CMKLR2: variants seen among roughly 807,000 people sequenced by gnomAD.
CMKLR2 encodes chemerin chemokine-like receptor 2.
CMKLR2 carries 18 observed loss-of-function variants against 23.0 expected under a neutral mutation model. The observed-to-expected ratio is 0.78, with a 90% CI of 0.54 to 1.16. The LOEUF (loss-of-function observed/expected upper bound fraction) is 1.16. Ranked by LOEUF, CMKLR2 falls within the 50% of genes most tolerant of loss-of-function variation. The pLI is 0.00. For synonymous variants in CMKLR2, 158 were observed against 158.9 expected, an observed-to-expected ratio of 0.99 and a Z score of 0.05; for missense variants, 401 against 412.7, an observed-to-expected ratio of 0.97 and a Z score of 0.25.
At chr2:206,179,318 G>A (rs1372151937) in intron 1 of CMKLR2, among the ~76,000 whole-genome samples, 5 of 144,638 alleles carry the variant, frequency 3.5e-5, no homozygotes, top group Admixed American at 1.4e-4. Context: ...CCGGTGATTC[G>A]CCCACCTTGG....
At chr2:206,201,976 A>G (rs1261540260) in intron 1 of CMKLR2, among the ~76,000 whole-genome samples, 1 of 152,228 alleles carries the variant, frequency 6.6e-6, no homozygotes, top group African/African-American at 2.4e-5. Flanking sequence ...GGCTTCAAAA[A>G]ATTGAGGGGC....
intron 1 of CMKLR2, among the ~76,000 whole-genome samples, chr2:206,187,931 T>C (rs1049176562): frequency 6.6e-6 from 1 of 152,104 alleles, no homozygotes. Context: ...AGAGTCTCTT[T>C]CTGTCATTCA....
chr2:206,206,943 A>G (rs1689346761), intron 1 of CMKLR2, among the ~76,000 whole-genome samples: 1 of 145,922 alleles, frequency 6.9e-6, no homozygotes, highest in East Asian at 2.0e-4. Context: ...TTTAATCAAA[A>G]GCATTAAAAG....
intron 1 of CMKLR2, among the ~76,000 whole-genome samples, chr2:206,191,181 C>T (rs1231891534): frequency 1.3e-5 from 2 of 152,116 alleles, no homozygotes; most frequent in Middle Eastern, 3.2e-3. Flanking sequence ...AAATTACCTG[C>T]TACCAAGAAA....
At chr2:206,196,432 G>T (rs1489312158) in intron 1 of CMKLR2, among the ~76,000 whole-genome samples, 1 of 149,662 alleles carries the variant, frequency 6.7e-6, no homozygotes, top group Admixed American at 6.7e-5. Context: ...CCAGGAGAGA[G>T]CGATGCTGAA....
intron 1 of CMKLR2, among the ~76,000 whole-genome samples, chr2:206,191,756 C>T (rs1688755366): frequency 6.6e-6 from 1 of 150,776 alleles, no homozygotes; most frequent in African/African-American, 2.4e-5. Flanking sequence ...CAGCCTTGAC[C>T]TCCCAGGGCT....
At chr2:206,205,061 C>T (rs1372382606) in intron 1 of CMKLR2, among the ~76,000 whole-genome samples, 2 of 152,130 alleles carry the variant, frequency 1.3e-5, no homozygotes, top group East Asian at 3.9e-4. Context: ...GGAAGAGATA[C>T]ATTTTGTTTA....
upstream of CMKLR2, among the ~76,000 whole-genome samples, chr2:206,215,025 G>T (rs1689709583): frequency 6.6e-6 from 1 of 152,114 alleles, no homozygotes; most frequent in South Asian, 2.1e-4. Context: ...AGAAGCACAG[G>T]ATTTTGTTTT....
intron 1 of CMKLR2, among the ~76,000 whole-genome samples, chr2:206,179,915 A>G (rs994522954): frequency 7.2e-5 from 11 of 152,140 alleles, no homozygotes; most frequent in African/African-American, 2.7e-4. Flanking sequence ...CAGGCATCTC[A>G]AATTCAATTT....
chr2:206,203,417 C>T (rs1378631116), intron 1 of CMKLR2: 1 of 151,592 alleles, frequency 6.6e-6, no homozygotes, highest in East Asian at 1.9e-4. Flanking sequence ...TTCCCAGCTT[C>T]CAACTTCCAC....
At chr2:206,197,593 G>T (rs886316105) in intron 1 of CMKLR2, among the ~76,000 whole-genome samples, 1 of 152,272 alleles carries the variant, frequency 6.6e-6, no homozygotes, top group Middle Eastern at 3.4e-3. Flanking sequence ...GAATGGAATG[G>T]GGTTCATTAT....
chr2:206,196,728 G>C lies in CMKLR2; in HGVS notation c.-29+16579C>G, dbSNP rs142856465. The stretch of plus-strand genomic sequence containing the variant: ...ATAGCTTTATTTTAGTACTACGTCA[G>C]AAGTCCACATTTGCCCAGAGTCTGC... On this transcript the variant is annotated intron_variant, in intron 1 of 1. Coordinates refer to ENST00000621141, the MANE Select transcript of CMKLR2 (RefSeq NM_001389445.1). Among the ~76,000 whole-genome samples the C allele has an allele frequency of 1.3e-3, 199 of 152,234 alleles. 2 individuals carry two copies. In the Middle Eastern group the frequency reaches 0.02, roughly 16 times the overall value.
intron 1 of CMKLR2, among the ~76,000 whole-genome samples, chr2:206,200,655 G>A (rs982761734): frequency 6.6e-6 from 1 of 152,120 alleles, no homozygotes; most frequent in Non-Finnish European, 1.5e-5. Context: ...ATAGAGATGG[G>A]ATCTTGCTAT....
chr2:206,197,009 A>T (rs1240495890), intron 1 of CMKLR2, among the ~76,000 whole-genome samples: 1 of 152,158 alleles, frequency 6.6e-6, no homozygotes, highest in Non-Finnish European at 1.5e-5. Flanking sequence ...CCTGGGTTCA[A>T]GTGATTTCTA....
At chr2:206,188,125 G>A (rs777997226) in intron 1 of CMKLR2, among the ~76,000 whole-genome samples, 1 of 152,082 alleles carries the variant, frequency 6.6e-6, no homozygotes, top group Non-Finnish European at 1.5e-5. Context: ...GTAGAGACAA[G>A]GTTTTGCCAC....
intron 1 of CMKLR2, among the ~76,000 whole-genome samples, chr2:206,179,052 T>C (rs1380132484): frequency 7.8e-6 from 1 of 128,934 alleles, no homozygotes; most frequent in Non-Finnish European, 1.6e-5. Context: ...CCGCTCCCTG[T>C]CCCTTTTTTT....
chr2:206,216,066 T>C (rs1689743994), upstream of CMKLR2, among the ~76,000 whole-genome samples: 1 of 152,230 alleles, frequency 6.6e-6, no homozygotes, highest in South Asian at 2.1e-4. Flanking sequence ...CTGGACAGTT[T>C]TGCCACTTTC....
chr2:206,216,086 A>G (rs1689745083), upstream of CMKLR2, among the ~76,000 whole-genome samples: 1 of 152,134 alleles, frequency 6.6e-6, no homozygotes, highest in Non-Finnish European at 1.5e-5. Context: ...CTAAAAAACC[A>G]TTTGCAAATT....
At chr2:206,215,461 G>A (rs567812518), upstream of CMKLR2, among the ~76,000 whole-genome samples, 28 of 152,288 alleles carry the variant, frequency 1.8e-4, 1 homozygote, top group South Asian at 5.4e-3. Context: ...TATGAAAAGC[G>A]ACAAGAGAAA....
Sources: allele counts gnomAD v4.1 joint callset (sites outside exome capture counted in the v4.1 genomes callset), GRCh38; gene constraint gnomAD v4.1.1; transcripts MANE v1.5; gene names NCBI Gene and HGNC (gene_info 2026-07-23, HGNC 2026-07-21).